The following ANKS1A variants were observed in gnomAD, a reference collection of about 807,000 sequenced individuals.
ANKS1A encodes the protein ankyrin repeat and sterile alpha motif domain containing 1A.
A neutral mutation model predicts 120.3 loss-of-function variants in ANKS1A; 55 were observed. The observed-to-expected ratio is 0.46, with a 90% CI of 0.37 to 0.57. ANKS1A has a LOEUF of 0.57. ANKS1A is among the 20% of genes least tolerant of loss of function. ANKS1A has a pLI of 0.00. For missense variants in ANKS1A, 1,123 were observed against 1,480.3 expected (o/e 0.76, Z 3.96); for synonymous variants, 590 against 604.7 (o/e 0.98, Z 0.36).
intron 11 of ANKS1A, among the ~76,000 whole-genome samples, chr6:35,051,824 T>C (rs541180600): frequency 6.6e-6 from 1 of 152,358 alleles, no homozygotes; most frequent in South Asian, 2.1e-4. Flanking sequence ...TAAGTAAAAA[T>C]ATTTTTACAA....
intron 1 of ANKS1A, among the ~76,000 whole-genome samples, chr6:34,937,600 G>T (rs1769322718): frequency 6.6e-6 from 1 of 152,112 alleles, no homozygotes; most frequent in Non-Finnish European, 1.5e-5. Flanking sequence ...AGGTGAGGAA[G>T]GCAGAAGAAA....
intron 16 of ANKS1A, 28 bp downstream of exon 16, chr6:35,079,956 G>A (rs1403367570): frequency 6.5e-7 from 1 of 1,546,266 alleles, no homozygotes; most frequent in South Asian, 1.2e-5. Context: ...AGAAAGGAAT[G>A]TATGTTTGTT....
intron 14 of ANKS1A, among the ~76,000 whole-genome samples, chr6:35,079,301 C>T (rs576811145): frequency 7.2e-5 from 11 of 152,248 alleles, no homozygotes; most frequent in East Asian, 3.9e-4. Context: ...CCAGCCCTGT[C>T]GGTGCTCCAG....
At position 34,982,138 on chromosome 6, in the gene ANKS1A, T is replaced by A; in HGVS notation, c.732+152T>A. 2.0e-6 allele frequency: 2 copies of A among 1,013,956 alleles called. No homozygotes were observed. The highest frequency in any genetic ancestry group is 2.8e-6 in the Non-Finnish European group (2 of 711,410). 62.8% of individuals were successfully genotyped at this position (1,013,956 alleles called of 1,614,324 possible). ...TTGCCGACTCATTCTAATGTGACAC[T>A]AAGAAACAAATGAACTCCTCAAGCA... On this transcript the variant is annotated intron_variant, in intron 4 of 23. Transcript: ENST00000360359. This position sits in a 1 kb window ranked among gnomAD's most constrained non-coding sequence, Gnocchi z 4.9.
At chr6:34,981,105 G>T (rs1426593951) in intron 3 of ANKS1A, among the ~76,000 whole-genome samples, 2 of 152,144 alleles carry the variant, frequency 1.3e-5, no homozygotes, top group Non-Finnish European at 2.9e-5. Flanking sequence ...GACTGAGCCC[G>T]AGTGCCCCCT....
At position 35,083,209 on chromosome 6, in the gene ANKS1A, G is replaced by A. The variant is rs757275006; in HGVS notation, c.2890G>A (p.Ala964Thr). 1.2e-5 allele frequency: 20 copies of A among 1,614,018 alleles called. No homozygotes were observed. The highest frequency in any genetic ancestry group is 1.6e-5 in the Non-Finnish European group (19 of 1,180,032). Residue 964 changes from alanine to threonine, a missense_variant, in exon 19 of 24, where the codon GCC (alanine) becomes ACC (threonine). This residue lies in a region of ANKS1A where 904 missense variants were observed against 1,130.4 expected (regional missense o/e 0.80). Transcript: ENST00000360359. ...GCGAGGGACAGAATCCACGCAAGAC[G>A]CCTGTGCCAAGATGCGGGTAGGGTG... ...DLRGTESTQD[A>T]CAKMRKSTEH...
intron 11 of ANKS1A, among the ~76,000 whole-genome samples, chr6:35,031,694 A>G (rs1399765195): frequency 6.6e-6 from 1 of 151,938 alleles, no homozygotes; most frequent in African/African-American, 2.4e-5. Context: ...CTGCCTTACC[A>G]TGTTCCTCAA....
chr6:34,950,030 A>G (rs1280206282), intron 1 of ANKS1A, among the ~76,000 whole-genome samples: 4 of 152,118 alleles, frequency 2.6e-5, no homozygotes, highest in Non-Finnish European at 5.9e-5. Flanking sequence ...TTCACTTTTA[A>G]AAAGTGTTTG....
chr6:35,081,064 A>T lies in ANKS1A; in HGVS notation c.2615A>T (p.Asp872Val). The T allele has an allele frequency of 6.2e-7, 1 of 1,613,990 alleles. No individual in the cohort carries two copies. Among genetic ancestry groups the T allele is most frequent in the Non-Finnish European group, 8.5e-7 (1 of 1,179,976 alleles). ...GATTCCTGCACTGGGCGGTCGGCAG[A>T]TCTGCTGCTGCCTCCAGGGGACACA... ...QNDSCTGRSADLLLPPGDTGR... is the reference protein window; with the variant it reads ...QNDSCTGRSAVLLLPPGDTGR... Residue 872 changes from aspartate (D) to valine (V), a missense_variant, in exon 17 of 24, where the codon GAT becomes GTT. By Grantham distance (152) the Asp-to-Val change is radical (BLOSUM62 -3). Transcript: ENST00000360359.
intron 1 of ANKS1A, among the ~76,000 whole-genome samples, chr6:34,898,231 A>C (rs1340860694): frequency 6.6e-6 from 1 of 152,194 alleles, no homozygotes; most frequent in Admixed American, 6.5e-5. Flanking sequence ...TCACAGCAGA[A>C]GCTCCCAACC....
chr6:34,907,247 A>G (rs1767688966), intron 1 of ANKS1A, among the ~76,000 whole-genome samples: 1 of 152,198 alleles, frequency 6.6e-6, no homozygotes, highest in African/African-American at 2.4e-5. Context: ...GAATGTAAAA[A>G]CTAGGGAAGT....
chr6:34,905,112 A>G (rs1767582078), intron 1 of ANKS1A, among the ~76,000 whole-genome samples: 1 of 152,228 alleles, frequency 6.6e-6, no homozygotes, highest in African/African-American at 2.4e-5. Context: ...TGCCCGGTCA[A>G]CGTCTGATTT....
At chr6:34,891,055 C>T (rs1766797096) in intron 1 of ANKS1A, among the ~76,000 whole-genome samples, 2 of 152,176 alleles carry the variant, frequency 1.3e-5, no homozygotes, top group African/African-American at 2.4e-5. Context: ...TGGTATTACT[C>T]GCTGTAATTG....
intron 13 of ANKS1A, among the ~76,000 whole-genome samples, chr6:35,072,993 A>G (rs571639714): frequency 7.9e-5 from 12 of 152,336 alleles, no homozygotes; most frequent in African/African-American, 2.9e-4. Flanking sequence ...GCCATGCTCT[A>G]GTACCATGGC....
rs562087563 is a variant in ANKS1A, at chr6:35,063,823, A to G, written c.2184+3570A>G. On this transcript the variant is annotated intron_variant, in intron 13 of 23. Transcript: ENST00000360359. ...TAAAAGAGCAGCCAGTGTCAAGTGC[A>G]GCGGAGGCTGGCAAGCACCGCCAGC... Among the ~76,000 whole-genome samples, 64 of 152,364 alleles carry G rather than the reference A, an allele frequency of 4.2e-4. 4 individuals are homozygous for G. Among genetic ancestry groups the G allele is most frequent in the African/African-American group, 1.5e-3 (61 of 41,592 alleles).
chr6:35,008,071 G>A (rs552067971), intron 10 of ANKS1A, among the ~76,000 whole-genome samples: 5 of 152,114 alleles, frequency 3.3e-5, no homozygotes, highest in Non-Finnish European at 7.4e-5. Context: ...ACCTGTGTTC[G>A]ATCTATCATC....
At chr6:35,093,677 A>G (rs939968905), downstream of ANKS1A, among the ~76,000 whole-genome samples, 47 of 152,310 alleles carry the variant, frequency 3.1e-4, no homozygotes, top group African/African-American at 1.1e-3. Flanking sequence ...TGCTCTTCCC[A>G]CTAAGTACGA....
intron 1 of ANKS1A, among the ~76,000 whole-genome samples, chr6:34,916,960 A>C (rs562973216): frequency 6.6e-6 from 1 of 152,244 alleles, no homozygotes; most frequent in Non-Finnish European, 1.5e-5. Context: ...TTAATGTTCT[A>C]CCCTATGGTC....
At chr6:34,942,867 C>G (rs1383949549) in intron 1 of ANKS1A, among the ~76,000 whole-genome samples, 1 of 145,794 alleles carries the variant, frequency 6.9e-6, no homozygotes, top group Non-Finnish European at 1.5e-5. Flanking sequence ...TCTTTTTTCT[C>G]TTTTCTTTTC....
Sources: allele counts gnomAD v4.1 joint callset (sites outside exome capture counted in the v4.1 genomes callset), GRCh38; gene constraint gnomAD v4.1.1; regional missense constraint gnomAD v4.1.1; non-coding constraint Gnocchi (gnomAD v3.1); transcripts MANE v1.5; gene names NCBI Gene and HGNC (gene_info 2026-07-23, HGNC 2026-07-21).